GIT1: variants seen among roughly 807,000 people sequenced by gnomAD.
The protein encoded by GIT1 is ARF GTPase-activating protein GIT1.
A neutral mutation model predicts 91.7 loss-of-function variants in GIT1; 14 were observed. The ratio of observed to expected loss-of-function variants is 0.15; its 90% CI spans 0.10 to 0.24. The LOEUF (loss-of-function observed/expected upper bound fraction) is 0.24. Among genes scored for constraint, GIT1 ranks in the 10% least tolerant of loss-of-function variants. GIT1 has a pLI of 1.00. For synonymous variants in GIT1, 414 were observed against 418.2 expected, an observed-to-expected ratio of 0.99 and a Z score of 0.12; for missense variants, 717 against 1,024.9, an observed-to-expected ratio of 0.70 and a Z score of 4.10.
At position 29,589,292 on chromosome 17, in the gene GIT1, C is replaced by T. The variant is rs1217729029; in HGVS notation, c.52+35G>A. Reference sequence around the variant, plus strand: ...CGGCGCCCGCCCGGCGGCGGCCTGGCTGTGCGGTCCCGCCCCCGGCCCCGC... The same window carrying T: ...CGGCGCCCGCCCGGCGGCGGCCTGGTTGTGCGGTCCCGCCCCCGGCCCCGC... On this transcript the variant is annotated intron_variant, in intron 1 of 19. Coordinates refer to ENST00000225394, the MANE Select transcript of GIT1 (RefSeq NM_014030.4). This position sits in a 1 kb window ranked among gnomAD's most constrained non-coding sequence, Gnocchi z 5.2. 3.0e-5 allele frequency: 29 copies of T among 968,834 alleles called. No individual in the cohort carries two copies. In the East Asian group the frequency reaches 2.6e-3, roughly 88 times the overall value. 60.0% of individuals were successfully genotyped at this position (968,834 alleles called of 1,614,324 possible).
At position 29,578,610 on chromosome 17, in the gene GIT1, G is replaced by A. The variant is rs139188548; in HGVS notation, c.810+121C>T. 615 of 961,844 alleles carry A rather than the reference G, an allele frequency of 6.4e-4. 4 individuals carry two copies. In the East Asian group the frequency reaches 0.013, roughly 21 times the overall value. The allele number at this position is 961,844 out of a possible 1,614,324, so 59.6% of individuals were successfully genotyped here. A position where few individuals can be genotyped will look rare whatever the true frequency, so the allele number is the denominator to read the frequency against. On this transcript the variant is annotated intron_variant, in intron 8 of 19. Coordinates refer to ENST00000225394, the MANE Select transcript of GIT1 (RefSeq NM_014030.4). The stretch of plus-strand genomic sequence containing the variant: ...GAGAGGGGACTGCTGAGGCCAGTGA[G>A]GGGACAGGTCAAAGACTTGGAAAAG...
chr17:29,584,936 A>G lies in GIT1; in HGVS notation c.53-1320T>C, dbSNP rs534178600. Among the ~76,000 whole-genome samples the G allele has an allele frequency of 2.7e-5, 4 of 147,104 alleles. No individual in the cohort carries two copies. In the South Asian group the frequency reaches 8.7e-4, roughly 32 times the overall value. ...GGCATGAAAACAGGAAGTAAAGGAGAGAGGCCTGTCTTTGGGTTTAGGCTT... is the reference window on the plus strand; with the variant it reads ...GGCATGAAAACAGGAAGTAAAGGAGGGAGGCCTGTCTTTGGGTTTAGGCTT... On this transcript the variant is annotated intron_variant, in intron 1 of 19. Transcript: ENST00000225394.
At chr17:29,583,164 GCAC>G in intron 2 of GIT1, 127 bp from the exon 3 acceptor site, 4 of 676,062 alleles carry the variant, frequency 5.9e-6, no homozygotes, top group East Asian at 2.7e-5. Flanking sequence ...CTGTGTGCCC[GCAC>G]CACCACACCT....
chr17:29,577,693 G>A lies in GIT1; in HGVS notation c.933C>T (p.Ala311=), dbSNP rs11080105. The change falls in exon 10 of 20, where the codon GCC becomes GCT. Residue 311 remains alanine, a synonymous_variant. Transcript: ENST00000225394. ...NHSTLVTERS[A]VPFLPVNPEY... Reference sequence around the variant, plus strand: ...CCGGGTTAACAGGCAGGAAGGGCACGGCACTGCGCTCTGTCACCAGAGTGC... The same window carrying A: ...CCGGGTTAACAGGCAGGAAGGGCACAGCACTGCGCTCTGTCACCAGAGTGC... The A allele has an allele frequency of 0.42, 672,207 of 1,610,806 alleles. 146,221 individuals carry two copies. The highest frequency in any genetic ancestry group is 0.66 in the East Asian group (29,397 of 44,832).
Position 29,578,293 on chromosome 17 carries a change from A to C in GIT1, c.883+6T>G. 1.2e-6 allele frequency: 2 copies of C among 1,611,328 alleles called. No homozygotes were observed. The highest frequency in any genetic ancestry group is 1.7e-6 in the Non-Finnish European group (2 of 1,177,598). On this transcript the variant is annotated splice_donor_region_variant and intron_variant, in intron 9 of 19. Coordinates refer to ENST00000225394, the MANE Select transcript of GIT1 (RefSeq NM_014030.4). ...CCACGCCAGACACTCCTGCTCCCTGACTCACCTGCATCATTTTCTCTTCGA... is the reference window on the plus strand; with the variant it reads ...CCACGCCAGACACTCCTGCTCCCTGCCTCACCTGCATCATTTTCTCTTCGA...
At chr17:29,583,117 T>TG in intron 2 of GIT1, 80 bp from the exon 3 acceptor site, 1 of 957,622 alleles carries the variant, frequency 1.0e-6, no homozygotes, top group African/African-American at 1.6e-5. Context: ...GCGCCTGCTG[T>TG]GGCTGGCGTA....
chr17:29,585,041 A>AC (rs1391746026), intron 1 of GIT1, among the ~76,000 whole-genome samples: 2 of 123,122 alleles, frequency 1.6e-5, no homozygotes, highest in East Asian at 2.4e-4. Flanking sequence ...TTTTTAAGGG[A>AC]CCCCCTCCCA....
At position 29,589,552 on chromosome 17, in the gene GIT1, G is replaced by A. The variant is rs1378658446; in HGVS notation, c.-174C>T. 6.6e-6 allele frequency: 1 copy of A among 151,950 alleles called. No individual in the cohort carries two copies. Among genetic ancestry groups the A allele is most frequent in the Non-Finnish European group, 1.4e-5 (1 of 70,940 alleles). The allele number at this position is 151,950 out of a possible 1,614,324, so 9.4% of individuals were successfully genotyped here. ...GGCTGGCCCGGAACCCGCCGTGCCC[G>A]CCTGCCCGCTCGCCCTCGGGCGCCC... On this transcript the variant is annotated 5_prime_UTR_variant, in exon 1 of 20. Coordinates refer to ENST00000225394, the MANE Select transcript of GIT1 (RefSeq NM_014030.4). The surrounding 1 kb of genome is among the most constrained non-coding windows in gnomAD (Gnocchi z 5.2).
chr17:29,581,444 C>A lies in GIT1; in HGVS notation c.719-64G>T. 8 of 1,259,180 alleles carry A rather than the reference C, an allele frequency of 6.4e-6. No homozygotes were observed. The highest frequency in any genetic ancestry group is 9.3e-6 in the Non-Finnish European group (8 of 857,226). 78.0% of individuals were successfully genotyped at this position (1,259,180 alleles called of 1,614,324 possible). A position where few individuals can be genotyped will look rare whatever the true frequency, so the allele number is the denominator to read the frequency against. On this transcript the variant is annotated intron_variant, in intron 6 of 19. Transcript: ENST00000225394. This position sits in a 1 kb window ranked among gnomAD's most constrained non-coding sequence, Gnocchi z 4.8. ...TGGGTGGCCTCAGCAGCTGGGAGCC[C>A]ACCTCACTGCCATGAGCAGGGCTGG... is the stretch of plus-strand genomic sequence containing the variant.
In GIT1 at chr17:29,589,427, GGGCGGCGGGCCCGGGCGGC is replaced by G; in HGVS notation, c.-68_-50del. 4.8e-6 allele frequency: 4 copies of G among 839,362 alleles called. No individual in the cohort carries two copies. Among genetic ancestry groups the G allele is most frequent in the Non-Finnish European group, 5.7e-6 (4 of 698,694 alleles). 52.0% of individuals were successfully genotyped at this position (839,362 alleles called of 1,614,324 possible). On this transcript the variant is annotated 5_prime_UTR_variant, in exon 1 of 20. Transcript: ENST00000225394. The surrounding 1 kb of genome is among the most constrained non-coding windows in gnomAD (Gnocchi z 5.2). ...CCCTCTGGGCCAGCGTGGGGGGCGC[GGGCGGCGGGCCCGGGCGGC>G]GGCGGCGGCCCCTGCTGCCCGGCCC...
intron 11 of GIT1, 47 bp from the exon 12 acceptor site, chr17:29,577,043 C>T (rs2033234880): frequency 1.2e-6 from 2 of 1,606,870 alleles, no homozygotes; most frequent in Non-Finnish European, 1.7e-6. Context: ...CCACACAACC[C>T]ATCTCTCAGG....
intron 12 of GIT1, 55 bp from the exon 13 acceptor site, chr17:29,576,729 G>T: frequency 1.9e-6 from 3 of 1,603,428 alleles, no homozygotes; most frequent in Non-Finnish European, 2.6e-6. Flanking sequence ...GCCAACACCC[G>T]CAGGGGGCAG....
Position 29,575,834 on chromosome 17 carries a change from G to A in GIT1, c.1730C>T (p.Ser577Phe), listed in dbSNP as rs910138643. 2 of 1,612,854 alleles carry A rather than the reference G, an allele frequency of 1.2e-6. No individual in the cohort carries two copies. The highest frequency in any genetic ancestry group is 1.7e-5 in the Admixed American group (1 of 59,856). The change falls in exon 16 of 20, where the codon TCC (serine) becomes TTC (phenylalanine). Residue 577 changes from serine to phenylalanine, a missense_variant. This residue lies in a region of GIT1 where 312 missense variants were observed against 349.5 expected (regional missense o/e 0.89). Transcript: ENST00000225394. This position sits in a 1 kb window ranked among gnomAD's most constrained non-coding sequence, Gnocchi z 5.5. ...TACCGTGTGGCGGCTTCCCTCCTGGGAGCAGGACAGCAGCGGGGAGGAGGG... is the reference window on the plus strand; with the variant it reads ...TACCGTGTGGCGGCTTCCCTCCTGGAAGCAGGACAGCAGCGGGGAGGAGGG... ...FTPSSPLLSC[S>F]QEGSRHTSKL...
chr17:29,583,848 G>T, intron 1 of GIT1: 1 of 557,884 alleles, frequency 1.8e-6, no homozygotes, highest in Non-Finnish European at 3.2e-6. Flanking sequence ...TTACCCCTCT[G>T]GGATATGCAG....
At chr17:29,582,170 A>C in intron 4 of GIT1, 26 bp from the exon 5 acceptor site, 1 of 1,502,400 alleles carries the variant, frequency 6.7e-7, no homozygotes, top group Non-Finnish European at 9.0e-7. Context: ...TGTGCAGTGA[A>C]TACGCATGTG....
chr17:29,578,415 C>T, intron 8 of GIT1, 44 bp from the exon 9 acceptor site: 1 of 1,573,826 alleles, frequency 6.4e-7, no homozygotes. Flanking sequence ...TGCATCGGCT[C>T]CCAGTGCCAA....
At chr17:29,586,905 G>A (rs2033612347) in intron 1 of GIT1, among the ~76,000 whole-genome samples, 2 of 152,210 alleles carry the variant, frequency 1.3e-5, no homozygotes, top group Non-Finnish European at 2.9e-5. Context: ...AGCTGCCAGA[G>A]CAGCCATGTC....
intron 7 of GIT1, chr17:29,579,459 C>T (rs1196672393): frequency 1.2e-5 from 2 of 169,208 alleles, no homozygotes; most frequent in African/African-American, 4.8e-5. Flanking sequence ...ATCAGAATAC[C>T]CTAGGGACGG....
In GIT1 at chr17:29,577,053, G is replaced by A. The variant is rs2150829624; in HGVS notation, c.1094-57C>T. The stretch of plus-strand genomic sequence containing the variant: ...CTCCACCACACAACCCATCTCTCAG[G>A]TCACCACTGGCAGGGAGAGCCATGC... On this transcript the variant is annotated intron_variant, in intron 11 of 19. Transcript: ENST00000225394. 1.9e-6 allele frequency: 3 copies of A among 1,607,214 alleles called. No homozygotes were observed. In the East Asian group the frequency reaches 6.7e-5, roughly 36 times the overall value.
Sources: gnomAD v4.1 joint callset for allele counts (sites outside exome capture counted in the v4.1 genomes callset) on GRCh38, gnomAD v4.1.1 for gene constraint, gnomAD v4.1.1 regional missense constraint, Gnocchi (gnomAD v3.1) non-coding constraint, MANE v1.5 for transcripts, NCBI Gene and HGNC (gene_info 2026-07-23, HGNC 2026-07-21) for gene names.